The following MCC variants were observed in gnomAD, a reference collection of about 807,000 sequenced individuals.
MCC encodes the protein colorectal mutant cancer protein.
MCC carries 90 observed loss-of-function variants against 116.2 expected under a neutral mutation model. The observed-to-expected ratio is 0.77, with a 90% confidence interval of 0.65 to 0.92. The LOEUF is 0.92. Among genes scored for constraint, MCC ranks in the 40% least tolerant of loss-of-function variants. The pLI, the probability that MCC is intolerant of heterozygous loss-of-function variation, is 0.00. For missense variants in MCC, 1,516 were observed against 1,312.2 expected, an observed-to-expected ratio of 1.16 and a Z score of -2.40; for synonymous variants, 578 against 510.5, an observed-to-expected ratio of 1.13 and a Z score of -1.78.
At position 113,026,846 on chromosome 5, in the gene MCC, G is replaced by C. The variant is rs1750583143; in HGVS notation, c.*456C>G. 6.4e-6 allele frequency: 1 copy of C among 156,060 alleles called. No homozygotes were observed. 9.7% of individuals were successfully genotyped at this position (156,060 alleles called of 1,614,324 possible). On this transcript the variant is annotated 3_prime_UTR_variant, in exon 19 of 19. Transcript: ENST00000408903. ...ATCAGCAGTCCTTTTAAATGCTGGA[G>C]GCACACACAGGTCTGTTTTCCCATG...
chr5:113,074,348 G>C (rs957614904), intron 11 of MCC, among the ~76,000 whole-genome samples: 2 of 152,310 alleles, frequency 1.3e-5, no homozygotes, highest in East Asian at 3.9e-4. Flanking sequence ...CTAACAAACA[G>C]AAAGGACATC....
chr5:113,037,693 CA>C (rs1751414552), intron 17 of MCC, among the ~76,000 whole-genome samples: 2 of 151,812 alleles, frequency 1.3e-5, no homozygotes, highest in African/African-American at 2.4e-5. Flanking sequence ...GACCCTGTCT[CA>C]AAAAAGTACC....
At chr5:113,101,711 C>T in intron 8 of MCC, 28 bp downstream of exon 8, 1 of 1,611,082 alleles carries the variant, frequency 6.2e-7, no homozygotes, top group Non-Finnish European at 8.5e-7. Flanking sequence ...CAGGAAGGGC[C>T]TGACCATTAT....
chr5:113,433,749 G>A lies in MCC; in HGVS notation c.171-48537C>T, dbSNP rs372882864. On this transcript the variant is annotated intron_variant, in intron 1 of 18. Transcript: ENST00000408903. Reference sequence around the variant, plus strand: ...GCCGCAAGAAGCTCACTGGGCCCGCGTCTCTGGAGGCTGTTGGGGGGGCCC... The same window carrying A: ...GCCGCAAGAAGCTCACTGGGCCCGCATCTCTGGAGGCTGTTGGGGGGGCCC... 15 of 1,612,774 alleles carry A rather than the reference G, an allele frequency of 9.3e-6. No individual in the cohort carries two copies. The highest frequency in any genetic ancestry group is 4.5e-5 in the East Asian group (2 of 44,882).
At chr5:113,177,063 G>C (rs1176496206) in intron 3 of MCC, among the ~76,000 whole-genome samples, 1 of 152,126 alleles carries the variant, frequency 6.6e-6, no homozygotes, top group African/African-American at 2.4e-5. Context: ...CCCTCAGGTA[G>C]GTCCAAATTC....
chr5:113,135,948 G>A (rs957577672), intron 5 of MCC, among the ~76,000 whole-genome samples: 5 of 152,118 alleles, frequency 3.3e-5, no homozygotes, highest in African/African-American at 1.2e-4. Flanking sequence ...AGGAGGGGGA[G>A]GCACGAGAAT....
At chr5:113,473,550 A>AACAAAG in intron 1 of MCC, among the ~76,000 whole-genome samples, 1 of 152,188 alleles carries the variant, frequency 6.6e-6, no homozygotes, top group Non-Finnish European at 1.5e-5. Context: ...CAAAAACAAA[A>AACAAAG]CAAAACAAAA....
chr5:113,253,995 C>T (rs1339978201), intron 3 of MCC, among the ~76,000 whole-genome samples: 1 of 152,132 alleles, frequency 6.6e-6, no homozygotes, highest in East Asian at 1.9e-4. Flanking sequence ...TAACATCAAT[C>T]TACTGAACCC....
chr5:113,138,794 C>T (rs1380916353), intron 5 of MCC, among the ~76,000 whole-genome samples: 2 of 152,176 alleles, frequency 1.3e-5, no homozygotes, highest in African/African-American at 4.8e-5. Context: ...TTCCCCACTG[C>T]ACACTCTCCC....
At position 113,251,947 on chromosome 5, in the gene MCC, G is replaced by A. The variant is rs74835133; in HGVS notation, c.627+88572C>T. On this transcript the variant is annotated intron_variant, in intron 3 of 18. Coordinates refer to ENST00000408903, the MANE Select transcript of MCC (RefSeq NM_001085377.2). ...GGAGCAGAGATGGCAAATTATTAAG[G>A]TTTCAAGACCTTAAAAGAGACAATC... 9.6e-3 allele frequency among the ~76,000 whole-genome samples: 1,462 copies of A among 152,232 alleles called. 17 individuals carry two copies. Among genetic ancestry groups the A allele is most frequent in the African/African-American group, 0.033 (1,353 of 41,538 alleles).
chr5:113,347,848 C>G (rs1242563485), intron 2 of MCC, among the ~76,000 whole-genome samples: 5 of 151,972 alleles, frequency 3.3e-5, no homozygotes, highest in African/African-American at 1.2e-4. Context: ...ACACGCTTTA[C>G]CTATAAAGAT....
chr5:113,453,210 T>C (rs1771449236), intron 1 of MCC, among the ~76,000 whole-genome samples: 1 of 152,088 alleles, frequency 6.6e-6, no homozygotes, highest in South Asian at 2.1e-4. Flanking sequence ...ACATCTGAGA[T>C]TCTTTTAGGT....
At chr5:113,144,759 T>C (rs771387910) in intron 4 of MCC, among the ~76,000 whole-genome samples, 8 of 152,184 alleles carry the variant, frequency 5.3e-5, no homozygotes, top group African/African-American at 1.4e-4. Flanking sequence ...AGAAACAAGA[T>C]TGGAGGCAAC....
At chr5:113,218,409 G>T (rs902897643) in intron 3 of MCC, among the ~76,000 whole-genome samples, 1 of 152,136 alleles carries the variant, frequency 6.6e-6, no homozygotes, top group Non-Finnish European at 1.5e-5. Context: ...GATCTGCTGA[G>T]TGCCTCCGCT....
intron 17 of MCC, among the ~76,000 whole-genome samples, chr5:113,035,602 T>G (rs1347924340): frequency 1.3e-5 from 2 of 152,162 alleles, no homozygotes; most frequent in South Asian, 4.1e-4. Context: ...CTTGCCCTGA[T>G]GGAATCCTGT....
chr5:113,324,425 T>C (rs994913210), intron 3 of MCC, among the ~76,000 whole-genome samples: 1 of 152,210 alleles, frequency 6.6e-6, no homozygotes, highest in African/African-American at 2.4e-5. Flanking sequence ...GAAATGTAAA[T>C]GTGCAAAAGA....
intron 11 of MCC, among the ~76,000 whole-genome samples, chr5:113,081,162 C>A (rs1205877757): frequency 6.6e-6 from 1 of 152,160 alleles, no homozygotes; most frequent in African/African-American, 2.4e-5. Context: ...GAATAGCAGA[C>A]ATCAGGATAT....
chr5:113,125,185 A>C (rs1757973511), intron 5 of MCC, among the ~76,000 whole-genome samples: 1 of 152,250 alleles, frequency 6.6e-6, no homozygotes, highest in Non-Finnish European at 1.5e-5. Context: ...GCAAATAATC[A>C]GGGTTAGATG....
intron 3 of MCC, among the ~76,000 whole-genome samples, chr5:113,305,158 C>G (rs1274451945): frequency 6.6e-6 from 1 of 152,100 alleles, no homozygotes; most frequent in African/African-American, 2.4e-5. Flanking sequence ...TCATGAAGTG[C>G]CCATGGATGG....
Sources: gnomAD v4.1 joint callset for allele counts (sites outside exome capture counted in the v4.1 genomes callset) on GRCh38, gnomAD v4.1.1 for gene constraint, MANE v1.5 for transcripts, NCBI Gene and HGNC (gene_info 2026-07-23, HGNC 2026-07-21) for gene names.